Variants in WDR83OS observed in about 807,000 individuals in gnomAD.
The protein encoded by WDR83OS is WD repeat domain 83 opposite strand.
A neutral mutation model predicts 13.7 loss-of-function variants in WDR83OS; 15 were observed. That is an observed-to-expected ratio of 1.09 (90% CI 0.73 to 1.69). The LOEUF (loss-of-function observed/expected upper bound fraction) is 1.69. Among genes scored for constraint, WDR83OS ranks in the 40% most tolerant of loss-of-function variants. WDR83OS has a pLI of 0.00. For missense variants in WDR83OS, 145 were observed against 143.2 expected, an observed-to-expected ratio of 1.01 and a Z score of -0.06; for synonymous variants, 68 against 52.9, an observed-to-expected ratio of 1.29 and a Z score of -1.24.
chr19:12,668,657 A>G, intron 2 of WDR83OS, 40 bp from the exon 3 acceptor site: 1 of 1,560,240 alleles, frequency 6.4e-7, no homozygotes, highest in South Asian at 1.1e-5. Flanking sequence ...AGTGAAAGGC[A>G]CAACAATGAG....
rs1461859759 is a variant in WDR83OS, at chr19:12,668,248, C to T, written c.*111G>A. On this transcript the variant is annotated 3_prime_UTR_variant, in exon 4 of 4. Coordinates refer to ENST00000596731, the MANE Select transcript of WDR83OS (RefSeq NM_016145.4). ...CTCTATCCAGCTGGGGGCACCGAGA[C>T]GGCCTCATTCAGGGAAGTCCAGGAT... 9 of 1,143,394 alleles carry T rather than the reference C, an allele frequency of 7.9e-6. No homozygotes were observed. Among genetic ancestry groups the T allele is most frequent in the African/African-American group, 3.1e-5 (2 of 64,170 alleles). 70.8% of individuals were successfully genotyped at this position (1,143,394 alleles called of 1,614,324 possible).
rs2024307667 is a variant in WDR83OS at position 12,668,158 on chromosome 19, G to A, written c.*201C>T. ...AACATGGACAGCATCTCCCCCAGCA[G>A]CAGGCAGGGGAAGGGAGGCAGGAGG... is the stretch of plus-strand genomic sequence containing the variant. On this transcript the variant is annotated 3_prime_UTR_variant, in exon 4 of 4. Transcript: ENST00000596731. 2 of 577,266 alleles carry A rather than the reference G, an allele frequency of 3.5e-6. No individual in the cohort carries two copies. The highest frequency in any genetic ancestry group is 6.1e-5 in the Admixed American group (2 of 32,826). The allele number at this position is 577,266 out of a possible 1,614,324, so 35.8% of individuals were successfully genotyped here.
At position 12,668,285 on chromosome 19, in the gene WDR83OS, G is replaced by T; in HGVS notation, c.*74C>A. On this transcript the variant is annotated 3_prime_UTR_variant, in exon 4 of 4. Transcript: ENST00000596731. ...GGGAAGTCCAGGATGGCAGCTGAAG[G>T]CAGCAGGTTTAGCAGCCAAAGCCCA... 1 of 1,469,522 alleles carries T rather than the reference G, an allele frequency of 6.8e-7. No individual in the cohort carries two copies. Among genetic ancestry groups the T allele is most frequent in the Non-Finnish European group, 9.3e-7 (1 of 1,072,036 alleles). 91.0% of individuals were successfully genotyped at this position (1,469,522 alleles called of 1,614,324 possible).
chr19:12,668,131 G>A lies in WDR83OS; in HGVS notation c.*228C>T. The A allele has an allele frequency of 1.8e-6, 1 of 543,262 alleles. No homozygotes were observed. The highest frequency in any genetic ancestry group is 2.1e-5 in the South Asian group (1 of 48,020). The allele number at this position is 543,262 out of a possible 1,614,324, so 33.7% of individuals were successfully genotyped here. A position where few individuals can be genotyped will look rare whatever the true frequency, so the allele number is the denominator to read the frequency against. On this transcript the variant is annotated 3_prime_UTR_variant, in exon 4 of 4. Transcript: ENST00000596731. ...ACGAGAAAGCAAATGAATACCCCTAGAAACATGGACAGCATCTCCCCCAGC... is the reference window on the plus strand; with the variant it reads ...ACGAGAAAGCAAATGAATACCCCTAAAAACATGGACAGCATCTCCCCCAGC...
In WDR83OS at chr19:12,668,262, G is replaced by T; in HGVS notation, c.*97C>A. On this transcript the variant is annotated 3_prime_UTR_variant, in exon 4 of 4. Transcript: ENST00000596731. The stretch of plus-strand genomic sequence containing the variant: ...GGGCACCGAGACGGCCTCATTCAGG[G>T]AAGTCCAGGATGGCAGCTGAAGGCA... 5 of 1,297,926 alleles carry T rather than the reference G, an allele frequency of 3.9e-6. No homozygotes were observed. Among genetic ancestry groups the T allele is most frequent in the Middle Eastern group, 2.0e-4 (1 of 5,100 alleles). 80.4% of individuals were successfully genotyped at this position (1,297,926 alleles called of 1,614,324 possible). A position where few individuals can be genotyped will look rare whatever the true frequency, so the allele number is the denominator to read the frequency against.
chr19:12,668,695 G>C, intron 2 of WDR83OS, 78 bp from the exon 3 acceptor site: 1 of 1,211,390 alleles, frequency 8.3e-7, no homozygotes, highest in Non-Finnish European at 1.2e-6. Flanking sequence ...CCAGACACCA[G>C]ATCATGCCCA....
chr19:12,669,092 G>A (rs181324830), intron 2 of WDR83OS, 36 bp downstream of exon 2: 1 of 1,602,106 alleles, frequency 6.2e-7, no homozygotes, highest in South Asian at 1.1e-5. Flanking sequence ...TCGTTCTCAG[G>A]TCCAACTACA....
At position 12,669,374 on chromosome 19, in the gene WDR83OS, C is replaced by T; in HGVS notation, c.30G>A (p.Arg10=). The change falls in exon 1 of 4, where the codon CGG becomes CGA. Residue 10 remains arginine (R), a synonymous_variant. Transcript: ENST00000596731. MSTNNMSDP[R]RPNKVLRYKP... ...CTCACCTCAGCACTTTGTTCGGCCTCCGTGGGTCCGACATATTGTTAGTGG... is the reference window on the plus strand; with the variant it reads ...CTCACCTCAGCACTTTGTTCGGCCTTCGTGGGTCCGACATATTGTTAGTGG... The T allele has an allele frequency of 1.2e-6, 2 of 1,601,992 alleles. No individual in the cohort carries two copies. The highest frequency in any genetic ancestry group is 8.5e-7 in the Non-Finnish European group (1 of 1,173,808).
At chr19:12,669,092 G>C (rs181324830) in intron 2 of WDR83OS, 36 bp downstream of exon 2, 310 of 1,602,106 alleles carry the variant, frequency 1.9e-4, no homozygotes, top group Non-Finnish European at 2.5e-4. Flanking sequence ...TCGTTCTCAG[G>C]TCCAACTACA....
In WDR83OS at chr19:12,669,395, A is replaced by T; in HGVS notation, c.9T>A (p.Thr3=). ...GCCTCCGTGGGTCCGACATATTGTT[A>T]GTGGACATAGCGAGTCGAAGGCCAG... MS[T]NNMSDPRRPN... Residue 3 remains threonine (T), a synonymous_variant, in exon 1 of 4, where the codon ACT becomes ACA. Coordinates refer to ENST00000596731, the MANE Select transcript of WDR83OS (RefSeq NM_016145.4). The T allele has an allele frequency of 1.3e-6, 2 of 1,598,480 alleles. No individual in the cohort carries two copies. Among genetic ancestry groups the T allele is most frequent in the East Asian group, 2.3e-5 (1 of 44,336 alleles).
At position 12,669,194 on chromosome 19, in the gene WDR83OS, G is replaced by T; in HGVS notation, c.90C>A (p.Asp30Glu). 6.2e-7 allele frequency: 1 copy of T among 1,614,088 alleles called. No homozygotes were observed. Among genetic ancestry groups the T allele is most frequent in the Non-Finnish European group, 8.5e-7 (1 of 1,180,022 alleles). The part of the protein sequence containing the change: ...PPPSECNPAL[D>E]DPTPDYMNLL... Reference sequence around the variant, plus strand: ...GGTTCATGTAGTCCGGCGTCGGGTCGTCCAAGGCCGGGTTACATTCGCTCG... The same window carrying T: ...GGTTCATGTAGTCCGGCGTCGGGTCTTCCAAGGCCGGGTTACATTCGCTCG... The change falls in exon 2 of 4, where the codon GAC becomes GAA. Residue 30 changes from aspartate (D) to glutamate (E), a missense_variant. Physicochemically the swap from Asp to Glu is conservative, Grantham distance 45. Coordinates refer to ENST00000596731, the MANE Select transcript of WDR83OS (RefSeq NM_016145.4).
rs1212670462 is a variant in WDR83OS, at chr19:12,668,595, G to A, written c.179C>T (p.Ala60Val). Residue 60 changes from alanine (A) to valine (V), a missense_variant, in exon 3 of 4, where the codon GCT becomes GTT. Physicochemically the swap from Ala to Val is moderately conservative, Grantham distance 64. Coordinates refer to ENST00000596731, the MANE Select transcript of WDR83OS (RefSeq NM_016145.4). ...MLKLKWCAWV[A>V]VYCSFISFAN... ...AAAGCTGATGAAGGAGCAGTAGACAGCGACCCAAGCACACCACTTCAGCTA... is the reference window on the plus strand; with the variant it reads ...AAAGCTGATGAAGGAGCAGTAGACAACGACCCAAGCACACCACTTCAGCTA... 6.2e-7 allele frequency: 1 copy of A among 1,614,106 alleles called. No individual in the cohort carries two copies. The highest frequency in any genetic ancestry group is 1.1e-5 in the South Asian group (1 of 91,072).
At chr19:12,668,701 G>A (rs564299474) in intron 2 of WDR83OS, 84 bp from the exon 3 acceptor site, 3 of 1,146,434 alleles carry the variant, frequency 2.6e-6, no homozygotes, top group East Asian at 2.5e-5. Flanking sequence ...ACCAGATCAT[G>A]CCCACTGATT....
chr19:12,668,364 A>G lies in WDR83OS; in HGVS notation c.316T>C (p.Trp106Arg). 6.2e-7 allele frequency: 1 copy of G among 1,612,418 alleles called. No homozygotes were observed. The highest frequency in any genetic ancestry group is 8.5e-7 in the Non-Finnish European group (1 of 1,179,476). ...GTGACCCTTCTAGGCTGGTATCACC[A>G]TGGGGGCGTCATGGGCTGAGGATTC... ...LQNPQPMTPPW is the reference protein window; with the variant it reads ...LQNPQPMTPPR The change falls in exon 4 of 4, where the codon TGG becomes CGG. Residue 106 changes from tryptophan (W) to arginine (R), a missense_variant. By Grantham distance (101) the Trp-to-Arg change is moderately radical (BLOSUM62 -3). Transcript: ENST00000596731.
At position 12,669,379 on chromosome 19, in the gene WDR83OS, G is replaced by A. The variant is rs199506396; in HGVS notation, c.25C>T (p.Pro9Ser). Residue 9 changes from proline (P) to serine (S), a missense_variant, in exon 1 of 4, where the codon CCA becomes TCA. Pro to Ser is a moderately conservative substitution (Grantham distance 74). Coordinates refer to ENST00000596731, the MANE Select transcript of WDR83OS (RefSeq NM_016145.4). Reference protein sequence around the residue: MSTNNMSDPRRPNKVLRYK... With the variant: MSTNNMSDSRRPNKVLRYK... Reference sequence around the variant, plus strand: ...CTCAGCACTTTGTTCGGCCTCCGTGGGTCCGACATATTGTTAGTGGACATA... The same window carrying A: ...CTCAGCACTTTGTTCGGCCTCCGTGAGTCCGACATATTGTTAGTGGACATA... 120 of 1,601,498 alleles carry A rather than the reference G, an allele frequency of 7.5e-5. 1 individual carries two copies. The highest frequency in any genetic ancestry group is 9.1e-5 in the Non-Finnish European group (107 of 1,173,596).
At position 12,669,399 on chromosome 19, in the gene WDR83OS, G is replaced by C. The variant is rs61742430; in HGVS notation, c.5C>G (p.Ser2Cys). Residue 2 changes from serine to cysteine, a missense_variant, in exon 1 of 4, where the codon TCC becomes TGC. Transcript: ENST00000596731. M[S>C]TNNMSDPRRP... ...CCGTGGGTCCGACATATTGTTAGTGGACATAGCGAGTCGAAGGCCAGATCA... is the reference window on the plus strand; with the variant it reads ...CCGTGGGTCCGACATATTGTTAGTGCACATAGCGAGTCGAAGGCCAGATCA... The C allele has an allele frequency of 7.8e-5, 125 of 1,597,110 alleles. No individual in the cohort carries two copies. The highest frequency in any genetic ancestry group is 2.3e-4 in the Admixed American group (13 of 57,418).
At position 12,668,146 on chromosome 19, in the gene WDR83OS, T is replaced by A. The variant is rs1452892069; in HGVS notation, c.*213A>T. The A allele has an allele frequency of 3.5e-6, 2 of 565,768 alleles. No homozygotes were observed. The highest frequency in any genetic ancestry group is 2.0e-5 in the South Asian group (1 of 48,908). The allele number at this position is 565,768 out of a possible 1,614,324, so 35.0% of individuals were successfully genotyped here. On this transcript the variant is annotated 3_prime_UTR_variant, in exon 4 of 4. Transcript: ENST00000596731. ...AATACCCCTAGAAACATGGACAGCA[T>A]CTCCCCCAGCAGCAGGCAGGGGAAG...
At chr19:12,669,055 G>A (rs1366641371) in intron 2 of WDR83OS, 73 bp downstream of exon 2, 2 of 1,497,162 alleles carry the variant, frequency 1.3e-6, no homozygotes, top group African/African-American at 1.4e-5. Context: ...AAGACACCCC[G>A]CTTCATTCCA....
Position 12,668,204 on chromosome 19 carries a change from TAGGAAAGGGCC to T in WDR83OS, c.*144_*154del. 1 of 728,168 alleles carries T rather than the reference TAGGAAAGGGCC, an allele frequency of 1.4e-6. No homozygotes were observed. 45.1% of individuals were successfully genotyped at this position (728,168 alleles called of 1,614,324 possible). ...GGAGGGGTAAGCCTAGGGTGTTCCCTAGGAAAGGGCCAGGTTCCCTCTATCCAGCTGGGGGC... is the reference window on the plus strand; with the variant it reads ...GGAGGGGTAAGCCTAGGGTGTTCCCTAGGTTCCCTCTATCCAGCTGGGGGC... On this transcript the variant is annotated 3_prime_UTR_variant, in exon 4 of 4. Coordinates refer to ENST00000596731, the MANE Select transcript of WDR83OS (RefSeq NM_016145.4).
Sources: allele counts gnomAD v4.1 joint callset, GRCh38; gene constraint gnomAD v4.1.1; transcripts MANE v1.5; gene names NCBI Gene and HGNC (gene_info 2026-07-23, HGNC 2026-07-21).